ISY1: variants seen among roughly 807,000 people sequenced by gnomAD.
ISY1 encodes the protein ISY1 spliceosome associated protein, also known as pre-mRNA-splicing factor ISY1 homolog.
A neutral mutation model predicts 54.4 loss-of-function variants in ISY1; 12 were observed. That is an observed-to-expected ratio of 0.22 (90% CI 0.14 to 0.36). ISY1 has a LOEUF of 0.36. Ranked by LOEUF, ISY1 falls within the 10% of genes least tolerant of loss-of-function variation. The pLI is 1.00. For missense variants in ISY1, 282 were observed against 342.2 expected (o/e 0.82, Z 1.39); for synonymous variants, 96 against 117.9 (o/e 0.81, Z 1.20).
At chr3:129,137,695 G>A (rs1455896680) in intron 7 of ISY1, among the ~76,000 whole-genome samples, 1 of 151,948 alleles carries the variant, frequency 6.6e-6, no homozygotes, top group Admixed American at 6.6e-5. Context: ...CGGATCACGA[G>A]GTCAGGAGAT....
intron 6 of ISY1, chr3:129,144,089 G>T: frequency 5.1e-6 from 2 of 393,684 alleles, no homozygotes; most frequent in South Asian, 1.9e-5. Context: ...TTTCTAGGTG[G>T]ATTAATGAGC....
intron 1 of ISY1, 55 bp downstream of exon 1, chr3:129,160,918 G>GCCCCACCCC: frequency 1.5e-6 from 1 of 666,128 alleles, no homozygotes; most frequent in Non-Finnish European, 2.7e-6. Flanking sequence ...TGGACTGGGC[G>GCCCCACCCC]CCCCCCCGCC....
At chr3:129,131,769 G>A (rs1436447759) in intron 9 of ISY1, among the ~76,000 whole-genome samples, 3 of 152,158 alleles carry the variant, frequency 2.0e-5, no homozygotes, top group Non-Finnish European at 4.4e-5. Context: ...ATCAGAGATG[G>A]AGAACAGGTT....
chr3:129,136,177 C>T (rs1328384473), intron 7 of ISY1, among the ~76,000 whole-genome samples: 1 of 151,832 alleles, frequency 6.6e-6, no homozygotes, highest in African/African-American at 2.4e-5. Flanking sequence ...TCTTGGCTCA[C>T]TGCAACCTCT....
In ISY1 at chr3:129,161,034, GCC is replaced by G; in HGVS notation, c.-61_-60del. 1 of 1,537,854 alleles carries G rather than the reference GCC, an allele frequency of 6.5e-7. No homozygotes were observed. Among genetic ancestry groups the G allele is most frequent in the Admixed American group, 2.0e-5 (1 of 49,170 alleles). ...GGCCCCTGTCCAAGAAACTCCACAG[GCC>G]CAGAAGACGCCGACGCTCACAGGAA... On this transcript the variant is annotated 5_prime_UTR_variant, in exon 1 of 11. Transcript: ENST00000393295.
intron 2 of ISY1, 111 bp from the exon 3 acceptor site, chr3:129,158,670 T>C (rs983647386): frequency 3.6e-6 from 5 of 1,402,312 alleles, no homozygotes; most frequent in African/African-American, 2.9e-5. Flanking sequence ...TTTAATGTCA[T>C]TCATATACAA....
rs1382786644 is a variant in ISY1, at chr3:129,127,894, C to A, written c.*2187G>T. On this transcript the variant is annotated 3_prime_UTR_variant, in exon 11 of 11. Coordinates refer to ENST00000393295, the MANE Select transcript of ISY1 (RefSeq NM_020701.4). ...GAAGGAAGGCCTGATGTCTGGATTC[C>A]CCATTCTCTTCTGAATGCCAGGAAG... is the stretch of plus-strand genomic sequence containing the variant. 6.6e-6 allele frequency: 1 copy of A among 152,236 alleles called. No homozygotes were observed. The highest frequency in any genetic ancestry group is 1.5e-5 in the Non-Finnish European group (1 of 68,052). 9.4% of individuals were successfully genotyped at this position (152,236 alleles called of 1,614,324 possible).
chr3:129,133,936 G>A, intron 9 of ISY1, 138 bp downstream of exon 9: 1 of 1,455,536 alleles, frequency 6.9e-7, no homozygotes, highest in Non-Finnish European at 9.2e-7. Context: ...TCTCGCAAGT[G>A]TTTTCACAGC....
In ISY1 at chr3:129,136,349, G is replaced by A. The variant is rs561209707; in HGVS notation, c.419-1395C>T. On this transcript the variant is annotated intron_variant, in intron 7 of 10. Coordinates refer to ENST00000393295, the MANE Select transcript of ISY1 (RefSeq NM_020701.4). ...ACTCCTGACCTCAGGTGATCCACCC[G>A]CTTAGGCTTCCCAAAGTGCTAAGAT... Among the ~76,000 whole-genome samples the A allele has an allele frequency of 3.9e-5, 6 of 152,218 alleles. No homozygotes were observed. The South Asian group carries it at 8.3e-4, about 21-fold the overall frequency.
rs1333659539 is a variant in ISY1, at chr3:129,129,426, T to G, written c.*655A>C. ...GTCTCACTCTGTCGCCAGGCTGGAG[T>G]GCAATGGCACGATCTTGGCTCACTT... On this transcript the variant is annotated 3_prime_UTR_variant, in exon 11 of 11. Transcript: ENST00000393295. 1 of 147,994 alleles carries G rather than the reference T, an allele frequency of 6.8e-6. No homozygotes were observed. 9.2% of individuals were successfully genotyped at this position (147,994 alleles called of 1,614,324 possible). A position where few individuals can be genotyped will look rare whatever the true frequency, so the allele number is the denominator to read the frequency against.
intron 9 of ISY1, among the ~76,000 whole-genome samples, chr3:129,131,415 G>A (rs984452118): frequency 2.0e-5 from 3 of 152,172 alleles, no homozygotes; most frequent in South Asian, 4.1e-4. Flanking sequence ...GAGTACACAC[G>A]ACTCACATAT....
intron 6 of ISY1, chr3:129,144,256 GA>G: frequency 2.9e-6 from 1 of 341,104 alleles, no homozygotes; most frequent in South Asian, 2.3e-5. Flanking sequence ...TAAAATAAAT[GA>G]AAAGAAAAAA....
chr3:129,157,430 C>T (rs1937174749), intron 3 of ISY1, among the ~76,000 whole-genome samples: 1 of 152,086 alleles, frequency 6.6e-6, no homozygotes, highest in Non-Finnish European at 1.5e-5. Context: ...ATAAAGGACC[C>T]AGTCATCAGG....
At chr3:129,136,260 C>G (rs1244188798) in intron 7 of ISY1, among the ~76,000 whole-genome samples, 1 of 151,758 alleles carries the variant, frequency 6.6e-6, no homozygotes, top group Admixed American at 6.6e-5. Context: ...CGCCACCACA[C>G]CCAGCTAATT....
Position 129,134,326 on chromosome 3 carries a change from C to T in ISY1, c.542-131G>A, listed in dbSNP as rs527798753. On this transcript the variant is annotated intron_variant, in intron 8 of 10. Coordinates refer to ENST00000393295, the MANE Select transcript of ISY1 (RefSeq NM_020701.4). ...TAGAAAGGGACACCCTTCATTCTGC[C>T]CCCGTGGGTGGAAATGGATGTGAAG... is the stretch of plus-strand genomic sequence containing the variant. 14 of 1,502,220 alleles carry T rather than the reference C, an allele frequency of 9.3e-6. No homozygotes were observed. In the African/African-American group the frequency reaches 1.9e-4, roughly 21 times the overall value. The allele number at this position is 1,502,220 out of a possible 1,614,324, so 93.1% of individuals were successfully genotyped here.
Position 129,129,935 on chromosome 3 carries a change from A to G in ISY1, c.*146T>C. On this transcript the variant is annotated 3_prime_UTR_variant, in exon 11 of 11. Transcript: ENST00000393295. ...CCAGGAAGACCAGGGACAGACCCCT[A>G]CCCTCCGGTCAACATGAGACAAGGA... 1 of 589,870 alleles carries G rather than the reference A, an allele frequency of 1.7e-6. No homozygotes were observed. The allele number at this position is 589,870 out of a possible 1,614,324, so 36.5% of individuals were successfully genotyped here.
At chr3:129,152,590 G>A (rs1395341156) in intron 5 of ISY1, among the ~76,000 whole-genome samples, 2 of 152,112 alleles carry the variant, frequency 1.3e-5, no homozygotes, top group Non-Finnish European at 2.9e-5. Flanking sequence ...ATTTTTAGTA[G>A]AGACGGGGTT....
intron 9 of ISY1, 139 bp downstream of exon 9, chr3:129,133,935 T>G: frequency 6.9e-7 from 1 of 1,443,632 alleles, no homozygotes; most frequent in Admixed American, 2.2e-5. Context: ...ATCTCGCAAG[T>G]GTTTTCACAG....
rs1222971613 is a variant in ISY1, at chr3:129,128,223, G to A, written c.*1858C>T. 1.3e-5 allele frequency: 2 copies of A among 153,168 alleles called. No individual in the cohort carries two copies. The highest frequency in any genetic ancestry group is 2.4e-5 in the African/African-American group (1 of 41,436). 9.5% of individuals were successfully genotyped at this position (153,168 alleles called of 1,614,324 possible). On this transcript the variant is annotated 3_prime_UTR_variant, in exon 11 of 11. Coordinates refer to ENST00000393295, the MANE Select transcript of ISY1 (RefSeq NM_020701.4). ...AAGCTGGGTGCTGGGTCCCAGAGGC[G>A]AGTCTGCCTTGCTGCCTCCAAGGGC...
Sources: allele counts gnomAD v4.1 joint callset (sites outside exome capture counted in the v4.1 genomes callset), GRCh38; gene constraint gnomAD v4.1.1; transcripts MANE v1.5; gene names NCBI Gene and HGNC (gene_info 2026-07-23, HGNC 2026-07-21).